The following RAB11FIP3 variants were observed in gnomAD, a reference collection of about 807,000 sequenced individuals.
RAB11FIP3 encodes RAB11 family interacting protein 3.
RAB11FIP3 carries 17 observed loss-of-function variants against 77.8 expected under a neutral mutation model. The observed-to-expected ratio is 0.22, with a 90% CI of 0.15 to 0.33. The LOEUF is 0.33. Ranked by LOEUF, RAB11FIP3 falls within the 10% of genes least tolerant of loss-of-function variation. RAB11FIP3 has a pLI of 1.00. For missense variants in RAB11FIP3, 1,005 were observed against 1,011.2 expected, an observed-to-expected ratio of 0.99 and a Z score of 0.08; for synonymous variants, 437 against 448.2, an observed-to-expected ratio of 0.98 and a Z score of 0.31.
intron 3 of RAB11FIP3, among the ~76,000 whole-genome samples, chr16:474,317 G>A (rs369013993): frequency 1.3e-5 from 2 of 152,298 alleles, no homozygotes; most frequent in East Asian, 3.9e-4. Context: ...CTCACACCGG[G>A]GTGGTCGGGT....
chr16:425,808 G>T lies in RAB11FIP3; in HGVS notation c.-199G>T, dbSNP rs2054928514. On this transcript the variant is annotated 5_prime_UTR_variant, in exon 1 of 14. Transcript: ENST00000262305. ...CCGCCGCCATGGGCCTGCGCCCGCC[G>T]CGCCGCCGGGCCGAGGGCAGCTGAG... The T allele has an allele frequency of 6.1e-6, 2 of 326,230 alleles. No individual in the cohort carries two copies. Among genetic ancestry groups the T allele is most frequent in the Non-Finnish European group, 1.1e-5 (2 of 180,164 alleles). 20.2% of individuals were successfully genotyped at this position (326,230 alleles called of 1,614,324 possible). A position where few individuals can be genotyped will look rare whatever the true frequency, so the allele number is the denominator to read the frequency against.
At chr16:492,463 G>A (rs1596271480) in intron 5 of RAB11FIP3, among the ~76,000 whole-genome samples, 2 of 105,412 alleles carry the variant, frequency 1.9e-5, no homozygotes, top group African/African-American at 3.4e-5. Context: ...CCTTCCCGGG[G>A]AGACCCGAGG....
intron 3 of RAB11FIP3, 40 bp from the exon 4 acceptor site, chr16:482,485 C>G (rs761944545): frequency 6.3e-7 from 1 of 1,595,906 alleles, no homozygotes; most frequent in South Asian, 1.1e-5. Context: ...AGTTCCCCTC[C>G]CAGCTTGTGC....
intron 4 of RAB11FIP3, among the ~76,000 whole-genome samples, chr16:487,734 A>G (rs1467399510): frequency 6.6e-6 from 1 of 152,184 alleles, no homozygotes; most frequent in East Asian, 1.9e-4. Flanking sequence ...CTGAAGGCAC[A>G]GCTGTTTCAC....
chr16:521,333 C>G lies in RAB11FIP3; in HGVS notation c.*494C>G, dbSNP rs1023993385. On this transcript the variant is annotated 3_prime_UTR_variant, in exon 14 of 14. Transcript: ENST00000262305. Reference sequence around the variant, plus strand: ...GCTGCCTAAGCCACCCACATAAGTACGCTGGTGCCGTGTCACCCATGTTGA... The same window carrying G: ...GCTGCCTAAGCCACCCACATAAGTAGGCTGGTGCCGTGTCACCCATGTTGA... 1 of 160,926 alleles carries G rather than the reference C, an allele frequency of 6.2e-6. No homozygotes were observed. The highest frequency in any genetic ancestry group is 3.0e-3 in the Middle Eastern group (1 of 334). 10.0% of individuals were successfully genotyped at this position (160,926 alleles called of 1,614,324 possible).
chr16:443,931 T>G (rs1023942869), intron 1 of RAB11FIP3, among the ~76,000 whole-genome samples: 3 of 152,224 alleles, frequency 2.0e-5, no homozygotes, highest in African/African-American at 4.8e-5. Context: ...CAGAAAAGTA[T>G]TGCCAATCTG....
Position 488,961 on chromosome 16 carries a change from G to T in RAB11FIP3, c.1226G>T (p.Gly409Val). The T allele has an allele frequency of 1.2e-6, 2 of 1,613,918 alleles. No individual in the cohort carries two copies. Among genetic ancestry groups the T allele is most frequent in the Non-Finnish European group, 1.7e-6 (2 of 1,179,984 alleles). The part of the protein sequence containing the change: ...AELSPETLCN[G>V]QLGCSDPAFL... ...CTGTCCCCAGAGACCCTATGCAACG[G>T]GCAGCTGGGCTGCAGTGACCCCGCT... The change falls in exon 5 of 14, where the codon GGG becomes GTG. Residue 409 changes from glycine to valine, a missense_variant. Coordinates refer to ENST00000262305, the MANE Select transcript of RAB11FIP3 (RefSeq NM_014700.4).
At chr16:460,459 C>G (rs2055586760) in intron 1 of RAB11FIP3, among the ~76,000 whole-genome samples, 1 of 151,966 alleles carries the variant, frequency 6.6e-6, no homozygotes, top group Non-Finnish European at 1.5e-5. Context: ...ATACTCTCCC[C>G]CCTCCCACCC....
Position 425,928 on chromosome 16 carries a change from G to GATGCCC in RAB11FIP3, c.-78_-73dup. On this transcript the variant is annotated 5_prime_UTR_variant, in exon 1 of 14. The change creates a new upstream start codon in the 5' untranslated region. Transcript: ENST00000262305. ...GCGCGCCCGCCCGCGCCGCCGAGGGGATGCCCGCGCCCGCCGCCGCGCCCT... is the reference window on the plus strand; with the variant it reads ...GCGCGCCCGCCCGCGCCGCCGAGGGGATGCCCATGCCCGCGCCCGCCGCCGCGCCCT... The GATGCCC allele has an allele frequency of 1.9e-6, 1 of 532,844 alleles. No individual in the cohort carries two copies. The highest frequency in any genetic ancestry group is 2.4e-6 in the Non-Finnish European group (1 of 417,298). The allele number at this position is 532,844 out of a possible 1,614,324, so 33.0% of individuals were successfully genotyped here.
chr16:488,729 A>T (rs2141765580), intron 4 of RAB11FIP3, 122 bp from the exon 5 acceptor site: 2 of 848,486 alleles, frequency 2.4e-6, no homozygotes, highest in African/African-American at 1.7e-5. Context: ...TTTTTTTTAA[A>T]CGTGGCTCCC....
intron 1 of RAB11FIP3, among the ~76,000 whole-genome samples, chr16:429,036 G>A (rs778236737): frequency 1.3e-5 from 2 of 152,116 alleles, no homozygotes; most frequent in Non-Finnish European, 2.9e-5. Flanking sequence ...AGCAATGTTG[G>A]GTGTGATCTG....
At chr16:520,358 G>T in intron 12 of RAB11FIP3, 81 bp downstream of exon 12, 1 of 1,581,184 alleles carries the variant, frequency 6.3e-7, no homozygotes. Flanking sequence ...GCCGTGGAGG[G>T]TCAGCATCTG....
intron 5 of RAB11FIP3, chr16:491,092 G>A (rs1351697370): frequency 1.3e-5 from 16 of 1,276,052 alleles, no homozygotes; most frequent in Middle Eastern, 2.2e-4. Context: ...ATGACCACAC[G>A]GGTCCTCATC....
chr16:477,089 A>G (rs1297363134), intron 3 of RAB11FIP3, among the ~76,000 whole-genome samples: 1 of 143,808 alleles, frequency 7.0e-6, no homozygotes, highest in Admixed American at 6.9e-5. Context: ...CCGTCTCAAA[A>G]AAAAAAAAAA....
At chr16:464,729 G>C (rs113431929) in intron 2 of RAB11FIP3, among the ~76,000 whole-genome samples, 9 of 152,078 alleles carry the variant, frequency 5.9e-5, no homozygotes, top group African/African-American at 2.2e-4. Flanking sequence ...GACCTTGGCT[G>C]TGCAAAAAAA....
intron 1 of RAB11FIP3, among the ~76,000 whole-genome samples, chr16:460,961 G>A (rs114232374): frequency 1.9e-3 from 286 of 151,044 alleles, no homozygotes; most frequent in African/African-American, 6.6e-3. Flanking sequence ...TGTCAGCACC[G>A]CCCCTGTTGG....
intron 1 of RAB11FIP3, among the ~76,000 whole-genome samples, chr16:456,806 A>T (rs541804968): frequency 2.9e-3 from 439 of 152,180 alleles, no homozygotes; most frequent in Non-Finnish European, 5.0e-3. Flanking sequence ...TCAAAACAAA[A>T]CGAGCACTTG....
chr16:436,638 C>A (rs974471195), intron 1 of RAB11FIP3, among the ~76,000 whole-genome samples: 2 of 152,122 alleles, frequency 1.3e-5, no homozygotes, highest in African/African-American at 4.8e-5. Context: ...CCTGCCAGCA[C>A]ACCCAGCTAA....
intron 4 of RAB11FIP3, 93 bp downstream of exon 4, chr16:482,829 C>A: frequency 7.5e-7 from 1 of 1,330,314 alleles, no homozygotes; most frequent in Non-Finnish European, 1.0e-6. Context: ...TGGAGGAGTG[C>A]GTGCTGGTTA....
Sources: allele counts gnomAD v4.1 joint callset (sites outside exome capture counted in the v4.1 genomes callset), GRCh38; gene constraint gnomAD v4.1.1; transcripts MANE v1.5; gene names NCBI Gene and HGNC (gene_info 2026-07-23, HGNC 2026-07-21).